Variants in KATNA1 observed in about 807,000 individuals in gnomAD.
The protein encoded by KATNA1 is katanin catalytic subunit A1.
A neutral mutation model predicts 62.6 loss-of-function variants in KATNA1; 42 were observed. That is an observed-to-expected ratio of 0.67 (90% confidence interval 0.52 to 0.87). The LOEUF is 0.87. Ranked by LOEUF, KATNA1 falls within the 40% of genes least tolerant of loss-of-function variation. KATNA1 has a pLI of 0.00. For synonymous variants in KATNA1, 186 were observed against 201.9 expected (o/e 0.92, Z 0.67); for missense variants, 498 against 612.5 (o/e 0.81, Z 1.97).
rs748881542 is a variant in KATNA1, at chr6:149,623,215, G to A, written c.389C>T (p.Pro130Leu). ...YSDPKSHGNR[P>L]STTVRVHRSS... is the part of the protein sequence containing the mutation. Reference sequence around the variant, plus strand: ...ACGGTGAACTCTGACAGTTGTACTTGGACGATTACCATGTGATTTAGGGTC... The same window carrying A: ...ACGGTGAACTCTGACAGTTGTACTTAGACGATTACCATGTGATTTAGGGTC... Residue 130 changes from proline to leucine, a missense_variant, in exon 4 of 11, where the codon CCA becomes CTA. By Grantham distance (98) the Pro-to-Leu change is moderately conservative. Transcript: ENST00000367411. The A allele has an allele frequency of 1.2e-5, 19 of 1,613,518 alleles. No individual in the cohort carries two copies. The highest frequency in any genetic ancestry group is 1.5e-5 in the Non-Finnish European group (18 of 1,179,810).
chr6:149,640,848 C>G (rs977828676), intron 1 of KATNA1, among the ~76,000 whole-genome samples: 3 of 144,484 alleles, frequency 2.1e-5, no homozygotes, highest in Non-Finnish European at 4.6e-5. Flanking sequence ...TGCCTGGCCT[C>G]GGGTATTTTT....
chr6:149,619,575 T>C (rs1310184382), intron 4 of KATNA1, among the ~76,000 whole-genome samples: 1 of 150,972 alleles, frequency 6.6e-6, no homozygotes, highest in African/African-American at 2.4e-5. Flanking sequence ...ATGATGCCAC[T>C]GCACTCCAGC....
rs1260846199 is a variant in KATNA1, at chr6:149,622,135, T to G, written c.501+968A>C. On this transcript the variant is annotated intron_variant, in intron 4 of 10. Transcript: ENST00000367411. ...TTTTGATAACTGTGTTTTTTTTGTT[T>G]TTTTTTTTTTTCCTCAAGACGGAGT... Among the ~76,000 whole-genome samples the G allele has an allele frequency of 2.7e-5, 4 of 150,902 alleles. No individual in the cohort carries two copies. The East Asian group carries it at 5.9e-4, about 22-fold the overall frequency.
chr6:149,645,085 C>T (rs1780431005), intron 1 of KATNA1, among the ~76,000 whole-genome samples: 1 of 152,130 alleles, frequency 6.6e-6, no homozygotes, highest in Admixed American at 6.6e-5. Context: ...AATTCCACTG[C>T]AGGAAGACTA....
chr6:149,604,710 C>T lies in KATNA1; in HGVS notation c.574G>A (p.Val192Ile), dbSNP rs755520199. 3 of 1,612,450 alleles carry T rather than the reference C, an allele frequency of 1.9e-6. No homozygotes were observed. The highest frequency in any genetic ancestry group is 1.3e-5 in the African/African-American group (1 of 74,876). ...FDSTGYDKDL[V>I]EALERDIISQ... ...ATTATATCTCTTTCCAAAGCTTCTA[C>T]TAAGTCTTTATCATATCCGGTACTA... Residue 192 changes from valine (V) to isoleucine (I), a missense_variant, in exon 5 of 11, where the codon GTA becomes ATA. Coordinates refer to ENST00000367411, the MANE Select transcript of KATNA1 (RefSeq NM_007044.4).
chr6:149,597,264 G>T, intron 9 of KATNA1, 75 bp from the exon 10 acceptor site: 2 of 1,463,746 alleles, frequency 1.4e-6, no homozygotes, highest in South Asian at 2.6e-5. Flanking sequence ...AATCTTCTTT[G>T]TGTGAGATGT....
chr6:149,619,519 ATGAGAACTGCTTGAACC>A (rs1321978406), intron 4 of KATNA1, among the ~76,000 whole-genome samples: 2 of 152,102 alleles, frequency 1.3e-5, no homozygotes, highest in African/African-American at 2.4e-5. Context: ...AGGCTGAGGC[ATGAGAACTGCTTGAACC>A]TGAGAGGCGG....
intron 7 of KATNA1, among the ~76,000 whole-genome samples, chr6:149,599,484 A>G (rs1371786680): frequency 6.6e-6 from 1 of 152,090 alleles, no homozygotes; most frequent in Non-Finnish European, 1.5e-5. Context: ...AGAGGACACC[A>G]ATTGGTTCTC....
chr6:149,605,935 T>C (rs758768830), intron 4 of KATNA1, among the ~76,000 whole-genome samples: 18 of 152,094 alleles, frequency 1.2e-4, no homozygotes, highest in Non-Finnish European at 2.4e-4. Context: ...CGGCTAATTA[T>C]TTTTAGTGGA....
chr6:149,597,662 G>A lies in KATNA1; in HGVS notation c.1016-21C>T, dbSNP rs1052234841. 1.4e-5 allele frequency: 23 copies of A among 1,599,372 alleles called. No individual in the cohort carries two copies. In the Middle Eastern group the frequency reaches 5.0e-4, roughly 35 times the overall value. On this transcript the variant is annotated intron_variant, in intron 8 of 10. Coordinates refer to ENST00000367411, the MANE Select transcript of KATNA1 (RefSeq NM_007044.4). ...AACACCTAAAATAAGGGTAAGGGGA[G>A]AGTGAAAAAGATATTAAGTTGGATT...
intron 4 of KATNA1, among the ~76,000 whole-genome samples, chr6:149,610,250 A>G (rs1778898321): frequency 6.7e-6 from 1 of 150,010 alleles, no homozygotes. Context: ...GCATTGAGCT[A>G]TGATCAGTGC....
chr6:149,606,154 G>C (rs1268121479), intron 4 of KATNA1, among the ~76,000 whole-genome samples: 1 of 152,162 alleles, frequency 6.6e-6, no homozygotes, highest in Admixed American at 6.5e-5. Flanking sequence ...AATGAGGGTA[G>C]AATGTCCGTT....
At chr6:149,618,779 C>G (rs1039188496) in intron 4 of KATNA1, among the ~76,000 whole-genome samples, 4 of 152,100 alleles carry the variant, frequency 2.6e-5, no homozygotes, top group African/African-American at 9.7e-5. Context: ...TATCCATTTG[C>G]AGAAATAAGG....
chr6:149,603,381 A>T lies in KATNA1; in HGVS notation c.624-8T>A. On this transcript the variant is annotated splice_polypyrimidine_tract_variant and splice_region_variant and intron_variant, in intron 5 of 10. Transcript: ENST00000367411. Reference sequence around the variant, plus strand: ...AAATCAGCGATATCATCCCTGAAAGAGAAGACATTTTATTAACAACCCTTT... The same window carrying T: ...AAATCAGCGATATCATCCCTGAAAGTGAAGACATTTTATTAACAACCCTTT... 7.1e-7 allele frequency: 1 copy of T among 1,412,620 alleles called. No homozygotes were observed. The highest frequency in any genetic ancestry group is 1.0e-6 in the Non-Finnish European group (1 of 1,002,496). 87.5% of individuals were successfully genotyped at this position (1,412,620 alleles called of 1,614,324 possible). A position where few individuals can be genotyped will look rare whatever the true frequency, so the allele number is the denominator to read the frequency against.
At chr6:149,595,587 A>G (rs375167586) in intron 10 of KATNA1, among the ~76,000 whole-genome samples, 1 of 152,196 alleles carries the variant, frequency 6.6e-6, no homozygotes, top group African/African-American at 2.4e-5. Flanking sequence ...AACTGTTAAC[A>G]AGAAAATTAA....
intron 3 of KATNA1, among the ~76,000 whole-genome samples, chr6:149,630,085 TGAAAA>T (rs1779772022): frequency 6.6e-6 from 1 of 152,188 alleles, no homozygotes; most frequent in Non-Finnish European, 1.5e-5. Context: ...CCTGCAACTA[TGAAAA>T]TAATGCATAA....
intron 4 of KATNA1, among the ~76,000 whole-genome samples, chr6:149,612,139 A>G (rs1280420545): frequency 6.6e-6 from 1 of 152,226 alleles, no homozygotes; most frequent in African/African-American, 2.4e-5. Context: ...GAACAGTACC[A>G]TAACTATTAA....
rs147309253 is a variant in KATNA1 at position 149,616,695 on chromosome 6, G to A, written c.501+6408C>T. Among the ~76,000 whole-genome samples, 14 of 152,074 alleles carry A rather than the reference G, an allele frequency of 9.2e-5. No homozygotes were observed. The East Asian group carries it at 1.7e-3, about 19-fold the overall frequency. The stretch of plus-strand genomic sequence containing the variant: ...CTTGAACCCGGTAAGCGGAGGGTGC[G>A]GTGAGCCAAGATCGCGCCATTGCAC... On this transcript the variant is annotated intron_variant, in intron 4 of 10. Coordinates refer to ENST00000367411, the MANE Select transcript of KATNA1 (RefSeq NM_007044.4).
intron 1 of KATNA1, among the ~76,000 whole-genome samples, chr6:149,643,848 T>TATA (rs201614949): frequency 6.8e-6 from 1 of 148,014 alleles, no homozygotes; most frequent in African/African-American, 2.5e-5. Context: ...TATATATATA[T>TATA]TTTTTTTTTG....
Sources: gnomAD v4.1 joint callset for allele counts (sites outside exome capture counted in the v4.1 genomes callset) on GRCh38, gnomAD v4.1.1 for gene constraint, MANE v1.5 for transcripts, NCBI Gene and HGNC (gene_info 2026-07-23, HGNC 2026-07-21) for gene names.